CHRM3: variants seen among roughly 807,000 people sequenced by gnomAD.
CHRM3 encodes cholinergic receptor muscarinic 3.
A neutral mutation model predicts 41.8 loss-of-function variants in CHRM3; 11 were observed. The ratio of observed to expected loss-of-function variants is 0.26; its 90% confidence interval spans 0.17 to 0.44. The LOEUF (loss-of-function observed/expected upper bound fraction) is 0.44. Ranked by LOEUF, CHRM3 falls within the 20% of genes least tolerant of loss-of-function variation. The pLI is 1.00. For synonymous variants in CHRM3, 297 were observed against 301.4 expected (o/e 0.99, Z 0.15); for missense variants, 571 against 745.4 (o/e 0.77, Z 2.72).
At chr1:239,794,384 G>GTTTTTTTTTTTTTT (rs1553268968) in intron 5 of CHRM3, among the ~76,000 whole-genome samples, 1 of 119,158 alleles carries the variant, frequency 8.4e-6, no homozygotes. Context: ...TAATTCGTTT[G>GTTTTTTTTTTTTTT]TTGTTTTTTT....
chr1:239,621,018 A>G (rs1668301737), intron 3 of CHRM3, among the ~76,000 whole-genome samples: 2 of 152,174 alleles, frequency 1.3e-5, no homozygotes, highest in Non-Finnish European at 1.5e-5. Flanking sequence ...CAGCAAATCC[A>G]TTGGCAGCAT....
At chr1:239,799,970 A>G (rs569290017) in intron 5 of CHRM3, among the ~76,000 whole-genome samples, 4 of 152,314 alleles carry the variant, frequency 2.6e-5, no homozygotes, top group East Asian at 3.9e-4. Context: ...TTATTATTCT[A>G]TTAAAATACA....
At chr1:239,468,463 T>A (rs1361249646) in intron 1 of CHRM3, among the ~76,000 whole-genome samples, 1 of 152,208 alleles carries the variant, frequency 6.6e-6, no homozygotes, top group Admixed American at 6.5e-5. Context: ...CTGAAGTTAA[T>A]GTTTGGCATT....
chr1:239,873,148 G>C (rs2149329994), intron 6 of CHRM3, among the ~76,000 whole-genome samples: 1 of 152,198 alleles, frequency 6.6e-6, no homozygotes, highest in Non-Finnish European at 1.5e-5. Flanking sequence ...CATTTATCAT[G>C]TACTGTGTCT....
intron 1 of CHRM3, among the ~76,000 whole-genome samples, chr1:239,482,445 T>C (rs1666918566): frequency 6.6e-6 from 1 of 152,190 alleles, no homozygotes; most frequent in Non-Finnish European, 1.5e-5. Context: ...AAGCCAAATA[T>C]TCTGGTTGAG....
chr1:239,535,547 T>G (rs1658115723), intron 2 of CHRM3, among the ~76,000 whole-genome samples: 1 of 150,644 alleles, frequency 6.6e-6, no homozygotes, highest in Non-Finnish European at 1.5e-5. Flanking sequence ...CTACATCGAG[T>G]GTGGGTTCTG....
intron 4 of CHRM3, among the ~76,000 whole-genome samples, chr1:239,669,717 C>T (rs1022441219): frequency 6.6e-6 from 1 of 152,066 alleles, no homozygotes; most frequent in African/African-American, 2.4e-5. Context: ...TACCAGACAC[C>T]TCATTCTAAT....
chr1:239,648,531 G>A (rs922444913), intron 4 of CHRM3, among the ~76,000 whole-genome samples: 3 of 152,140 alleles, frequency 2.0e-5, no homozygotes, highest in Non-Finnish European at 4.4e-5. Flanking sequence ...GCTGTCAGTG[G>A]AGGTGAGCCA....
intron 3 of CHRM3, among the ~76,000 whole-genome samples, chr1:239,554,146 C>A (rs1210678706): frequency 6.6e-6 from 1 of 152,040 alleles, no homozygotes; most frequent in African/African-American, 2.4e-5. Flanking sequence ...ACCTTTGCCT[C>A]CCAAAGTACT....
intron 1 of CHRM3, among the ~76,000 whole-genome samples, chr1:239,478,843 G>A (rs1666630525): frequency 6.6e-6 from 1 of 152,116 alleles, no homozygotes; most frequent in South Asian, 2.1e-4. Context: ...GAATGAGGAA[G>A]AAGAATATTT....
intron 2 of CHRM3, among the ~76,000 whole-genome samples, chr1:239,512,724 A>C (rs1156673592): frequency 6.6e-6 from 1 of 150,564 alleles, no homozygotes; most frequent in Non-Finnish European, 1.5e-5. Context: ...GTTTTCTTGA[A>C]GGTATAACCC....
At chr1:239,446,198 G>A (rs1664139198) in intron 1 of CHRM3, among the ~76,000 whole-genome samples, 3 of 152,196 alleles carry the variant, frequency 2.0e-5, no homozygotes, top group African/African-American at 4.8e-5. Flanking sequence ...GCCTCCCAAA[G>A]TGTTGCAATT....
chr1:239,857,751 T>C (rs770672580), intron 6 of CHRM3, among the ~76,000 whole-genome samples: 2 of 152,164 alleles, frequency 1.3e-5, no homozygotes, highest in Non-Finnish European at 2.9e-5. Flanking sequence ...TGGATAATCA[T>C]AATAAATGAA....
In CHRM3 at chr1:239,411,888, G is replaced by C. The variant is rs113708128; in HGVS notation, c.-521+24661G>C. On this transcript the variant is annotated intron_variant, in intron 1 of 6. Coordinates refer to ENST00000676153, the MANE Select transcript of CHRM3 (RefSeq NM_001375978.1). ...CGATCCCCAATTTCTACTCCTGAGA[G>C]GCAACCACATTCAGATTCTTAGGCT... Among the ~76,000 whole-genome samples, 971 of 151,920 alleles carry C rather than the reference G, an allele frequency of 6.4e-3. 13 individuals carry two copies. Among genetic ancestry groups the C allele is most frequent in the African/African-American group, 0.022 (916 of 41,450 alleles).
At chr1:239,679,713 G>GTT (rs1023379515) in intron 5 of CHRM3, among the ~76,000 whole-genome samples, 2 of 151,956 alleles carry the variant, frequency 1.3e-5, no homozygotes, top group African/African-American at 4.8e-5. Flanking sequence ...ACCTTAGTTC[G>GTT]TTTATTTTAT....
chr1:239,401,696 T>C (rs935262829), intron 1 of CHRM3, among the ~76,000 whole-genome samples: 2 of 152,158 alleles, frequency 1.3e-5, no homozygotes, highest in African/African-American at 4.8e-5. Flanking sequence ...TTTCACCATG[T>C]TGGCCAGGAT....
intron 5 of CHRM3, among the ~76,000 whole-genome samples, chr1:239,767,018 T>C (rs1667283989): frequency 6.6e-6 from 1 of 152,170 alleles, no homozygotes; most frequent in South Asian, 2.1e-4. Flanking sequence ...GGCCTCACCA[T>C]ATATATATTA....
At chr1:239,743,337 C>A (rs1207953495) in intron 5 of CHRM3, among the ~76,000 whole-genome samples, 1 of 152,162 alleles carries the variant, frequency 6.6e-6, no homozygotes, top group Non-Finnish European at 1.5e-5. Context: ...AGACAAGGGA[C>A]ATGTCTTATT....
chr1:239,462,651 G>A (rs1158137881), intron 1 of CHRM3, among the ~76,000 whole-genome samples: 1 of 152,170 alleles, frequency 6.6e-6, no homozygotes, highest in Non-Finnish European at 1.5e-5. Flanking sequence ...CTATAAAAGA[G>A]ATAACTTTAG....
Sources: allele counts gnomAD v4.1 joint callset (sites outside exome capture counted in the v4.1 genomes callset), GRCh38; gene constraint gnomAD v4.1.1; transcripts MANE v1.5; gene names NCBI Gene and HGNC (gene_info 2026-07-23, HGNC 2026-07-21).